RANBP2: variants seen among roughly 807,000 people sequenced by gnomAD.
RANBP2 encodes RAN binding protein 2.
Under a neutral mutation model 303.6 loss-of-function variants are expected in RANBP2, and 57 were observed. That is an observed-to-expected ratio of 0.19 (90% CI 0.15 to 0.23). The LOEUF (loss-of-function observed/expected upper bound fraction) is 0.23, where lower values mean the gene tolerates loss of function less well. RANBP2 is among the 10% of genes least tolerant of loss of function. The probability of loss-of-function intolerance (pLI) is 1.00; values close to 1 mark genes in which losing one functional copy is unlikely to be tolerated. For synonymous variants in RANBP2, 1,167 were observed against 1,301.5 expected, an observed-to-expected ratio of 0.90 and a Z score of 2.23; for missense variants, 3,138 against 3,780.8, an observed-to-expected ratio of 0.83 and a Z score of 4.46.
the RANBP2 span, among the ~76,000 whole-genome samples, chr2:109,286,878 T>C: frequency 6.6e-6 from 1 of 151,936 alleles, no homozygotes; most frequent in African/African-American, 2.4e-5. Context: ...TTGACCGGTC[T>C]GTCCCCAGAG....
intron 15 of RANBP2, 27 bp from the exon 16 acceptor site, chr2:108,754,877 GC>G: frequency 6.2e-7 from 1 of 1,609,268 alleles, no homozygotes; most frequent in Non-Finnish European, 8.5e-7. Flanking sequence ...GCAAATGAAA[GC>G]CCTTAATTAA....
intron 6 of RANBP2, among the ~76,000 whole-genome samples, chr2:108,739,270 G>C (rs907207226): frequency 2.0e-5 from 3 of 152,040 alleles, no homozygotes; most frequent in African/African-American, 4.8e-5. Flanking sequence ...GGGTATGTTG[G>C]CACGCACTTA....
At chr2:108,994,975 G>A in the RANBP2 span, among the ~76,000 whole-genome samples, 8 of 151,450 alleles carry the variant, frequency 5.3e-5, no homozygotes, top group South Asian at 2.1e-4. Context: ...GACTACAGGC[G>A]CCCGCCACCA....
the RANBP2 span, among the ~76,000 whole-genome samples, chr2:108,967,419 G>C: frequency 6.6e-6 from 1 of 152,210 alleles, no homozygotes; most frequent in African/African-American, 2.4e-5. Context: ...TGTGGGCTAA[G>C]AGCAGGAGCA....
At chr2:109,125,485 G>A in the RANBP2 span, among the ~76,000 whole-genome samples, 4 of 152,142 alleles carry the variant, frequency 2.6e-5, no homozygotes, top group Non-Finnish European at 4.4e-5. Flanking sequence ...TGAGGCCTCC[G>A]GATCCCTTAC....
the RANBP2 span, among the ~76,000 whole-genome samples, chr2:109,153,134 G>A: frequency 1.3e-5 from 2 of 152,258 alleles, no homozygotes; most frequent in African/African-American, 4.8e-5. Context: ...AGGAATCAGT[G>A]GGGCAAATAT....
the RANBP2 span, among the ~76,000 whole-genome samples, chr2:108,913,613 T>C: frequency 6.6e-6 from 1 of 151,924 alleles, no homozygotes; most frequent in Non-Finnish European, 1.5e-5. Flanking sequence ...AGCTTCTTGA[T>C]TTATACATAT....
At chr2:109,558,708 CG>C in the RANBP2 span, among the ~76,000 whole-genome samples, 167 of 152,004 alleles carry the variant, frequency 1.1e-3, no homozygotes, top group African/African-American at 3.4e-3. Context: ...GAAAAACAAA[CG>C]GAAGTTCTGG....
At chr2:109,344,039 C>T in the RANBP2 span, among the ~76,000 whole-genome samples, 13 of 152,184 alleles carry the variant, frequency 8.5e-5, no homozygotes, top group African/African-American at 1.2e-4. Flanking sequence ...CCACCATACC[C>T]GTCCCCAGAT....
the RANBP2 span, among the ~76,000 whole-genome samples, chr2:109,645,744 A>G: frequency 2.0e-5 from 3 of 152,196 alleles, no homozygotes; most frequent in African/African-American, 7.2e-5. Context: ...AGTTATTACT[A>G]GTGCCTACCT....
the RANBP2 span, among the ~76,000 whole-genome samples, chr2:109,347,404 G>C: frequency 6.6e-6 from 1 of 152,216 alleles, no homozygotes; most frequent in Admixed American, 6.5e-5. Context: ...TTTTTGCACA[G>C]AATGAGGTTG....
At position 108,784,184 on chromosome 2, in the gene RANBP2, C is replaced by T. The variant is rs764657568; in HGVS notation, c.*283C>T. 4 of 322,990 alleles carry T rather than the reference C, an allele frequency of 1.2e-5. No individual in the cohort carries two copies. The highest frequency in any genetic ancestry group is 2.3e-5 in the Non-Finnish European group (4 of 174,284). 20.0% of individuals were successfully genotyped at this position (322,990 alleles called of 1,614,324 possible). The stretch of plus-strand genomic sequence containing the variant: ...TAATCTTGTTAAAAGCAATAGACCT[C>T]AAACTATTGAAGGAATATGATATAT... On this transcript the variant is annotated 3_prime_UTR_variant, in exon 29 of 29. Transcript: ENST00000283195.
chr2:109,325,827 G>C, the RANBP2 span, among the ~76,000 whole-genome samples: 232 of 152,312 alleles, frequency 1.5e-3, no homozygotes, highest in Non-Finnish European at 2.5e-3. Context: ...ATGCTGGCCC[G>C]AGCAGGGACC....
the RANBP2 span, among the ~76,000 whole-genome samples, chr2:109,625,598 G>A: frequency 6.6e-6 from 1 of 152,028 alleles, no homozygotes; most frequent in Non-Finnish European, 1.5e-5. Context: ...CTCGGGAGGT[G>A]GAGGTTGCAG....
chr2:109,376,494 G>A, the RANBP2 span, among the ~76,000 whole-genome samples: 10 of 152,152 alleles, frequency 6.6e-5, no homozygotes, highest in Admixed American at 4.6e-4. Flanking sequence ...TCTCGTCTGC[G>A]AGGAAAACCT....
chr2:109,516,134 G>A, the RANBP2 span, among the ~76,000 whole-genome samples: 1 of 152,214 alleles, frequency 6.6e-6, no homozygotes, highest in African/African-American at 2.4e-5. Context: ...CAGCCTATGA[G>A]TCCTGGAGCC....
the RANBP2 span, among the ~76,000 whole-genome samples, chr2:109,345,414 C>T: frequency 6.6e-6 from 1 of 152,038 alleles, no homozygotes. Flanking sequence ...GCTGGCCCTT[C>T]CTGCCCACTG....
chr2:109,761,699 G>A, the RANBP2 span, among the ~76,000 whole-genome samples: 3 of 147,592 alleles, frequency 2.0e-5, no homozygotes, highest in Admixed American at 2.1e-4. Flanking sequence ...CTATTCAGGT[G>A]GTAAAATTAC....
At chr2:108,844,126 G>T in the RANBP2 span, among the ~76,000 whole-genome samples, 1 of 152,036 alleles carries the variant, frequency 6.6e-6, no homozygotes, top group South Asian at 2.1e-4. Context: ...CTCCCAAAGT[G>T]CCGGGAGTGC....
Sources: allele counts gnomAD v4.1 joint callset (sites outside exome capture counted in the v4.1 genomes callset), GRCh38; gene constraint gnomAD v4.1.1; transcripts MANE v1.5; gene names NCBI Gene and HGNC (gene_info 2026-07-23, HGNC 2026-07-21).